The following DPYD variants were observed in gnomAD, a reference collection of about 807,000 sequenced individuals.
The protein encoded by DPYD is dihydropyrimidine dehydrogenase.
Under a neutral mutation model 116.2 loss-of-function variants are expected in DPYD, and 109 were observed. The ratio of observed to expected loss-of-function variants is 0.94; its 90% CI spans 0.80 to 1.10. The LOEUF (loss-of-function observed/expected upper bound fraction) is 1.10. Ranked by LOEUF, DPYD falls within the 50% of genes least tolerant of loss-of-function variation. The pLI is 0.00. For missense variants in DPYD, 1,302 were observed against 1,254.5 expected (o/e 1.04, Z -0.57); for synonymous variants, 440 against 432.0 (o/e 1.02, Z -0.23).
intron 8 of DPYD, among the ~76,000 whole-genome samples, chr1:97,624,042 A>G (rs1393214902): frequency 2.0e-5 from 3 of 152,072 alleles, no homozygotes; most frequent in Admixed American, 1.3e-4. Context: ...AGGATAGGAG[A>G]AAAGCTACAT....
chr1:97,621,730 C>A (rs1049553243), intron 8 of DPYD, among the ~76,000 whole-genome samples: 1 of 152,008 alleles, frequency 6.6e-6, no homozygotes, highest in African/African-American at 2.4e-5. Flanking sequence ...CTTGGAGAAA[C>A]ACCTGATTCT....
intron 14 of DPYD, among the ~76,000 whole-genome samples, chr1:97,407,715 G>A (rs541218441): frequency 6.6e-6 from 1 of 152,180 alleles, no homozygotes; most frequent in African/African-American, 2.4e-5. Flanking sequence ...AGATACATGG[G>A]TCCAGGAATC....
rs1648936449 is a variant in DPYD at position 97,078,498 on chromosome 1, T to G, written c.*478A>C. The G allele has an allele frequency of 1.6e-5, 3 of 186,580 alleles. No individual in the cohort carries two copies. 11.6% of individuals were successfully genotyped at this position (186,580 alleles called of 1,614,324 possible). ...TTCATTTGTACTTTATGGAGCTAAC[T>G]ACATTTTCTTAGAAACAGCATTAAA... is the stretch of plus-strand genomic sequence containing the variant. On this transcript the variant is annotated 3_prime_UTR_variant, in exon 23 of 23. Coordinates refer to ENST00000370192, the MANE Select transcript of DPYD (RefSeq NM_000110.4).
At chr1:97,356,918 T>A (rs1670454653) in intron 16 of DPYD, among the ~76,000 whole-genome samples, 1 of 152,196 alleles carries the variant, frequency 6.6e-6, no homozygotes, top group South Asian at 2.1e-4. Flanking sequence ...TTAACTAACA[T>A]CACTTGGTGG....
intron 20 of DPYD, among the ~76,000 whole-genome samples, chr1:97,100,242 G>A (rs1171474784): frequency 6.6e-6 from 1 of 152,000 alleles, no homozygotes; most frequent in Non-Finnish European, 1.5e-5. Context: ...AAAAGACAAT[G>A]CTTTTATGAA....
At chr1:97,227,776 T>C (rs1661290256) in intron 19 of DPYD, among the ~76,000 whole-genome samples, 1 of 152,068 alleles carries the variant, frequency 6.6e-6, no homozygotes, top group Admixed American at 6.6e-5. Context: ...CCGAAGTATG[T>C]TGAGATGCAA....
At chr1:97,305,406 G>A (rs2101037147) in intron 17 of DPYD, 28 bp from the exon 18 acceptor site, 1 of 1,611,594 alleles carries the variant, frequency 6.2e-7, no homozygotes, top group Non-Finnish European at 8.5e-7. Flanking sequence ...ACATTTTCAT[G>A]CAGCTCTTAT....
At chr1:97,134,771 C>T (rs566037157) in intron 20 of DPYD, among the ~76,000 whole-genome samples, 2 of 152,060 alleles carry the variant, frequency 1.3e-5, no homozygotes, top group Non-Finnish European at 2.9e-5. Flanking sequence ...TGCAGGGCCA[C>T]GTGAGATGTT....
intron 5 of DPYD, among the ~76,000 whole-genome samples, chr1:97,708,089 G>A (rs1015132154): frequency 6.6e-6 from 1 of 151,942 alleles, no homozygotes; most frequent in African/African-American, 2.4e-5. Context: ...ACCTCCCTCA[G>A]CCTTCTGAGT....
At chr1:97,130,452 T>C (rs1235292457) in intron 20 of DPYD, among the ~76,000 whole-genome samples, 1 of 152,174 alleles carries the variant, frequency 6.6e-6, no homozygotes, top group Non-Finnish European at 1.5e-5. Flanking sequence ...GTGATCTATA[T>C]GTGATTGCTC....
At chr1:97,672,996 T>A (rs538985839) in intron 8 of DPYD, among the ~76,000 whole-genome samples, 1 of 152,304 alleles carries the variant, frequency 6.6e-6, no homozygotes, top group African/African-American at 2.4e-5. Flanking sequence ...CTAATTCTTC[T>A]TGAGTATCAG....
intron 12 of DPYD, among the ~76,000 whole-genome samples, chr1:97,548,964 A>G (rs1028088430): frequency 4.6e-5 from 7 of 152,290 alleles, no homozygotes; most frequent in Middle Eastern, 3.4e-3. Flanking sequence ...AGATTTGATA[A>G]GTGTATGATC....
rs572254976 is a variant in DPYD, at chr1:97,593,434, C to T, written c.959-47G>A. ...CCATTTTCAAGTAGAGAAACCATTT[C>T]TGCATGACAGCTCAAAAGATACTTG... On this transcript the variant is annotated intron_variant, in intron 9 of 22. Transcript: ENST00000370192. 4.7e-5 allele frequency: 75 copies of T among 1,604,514 alleles called. 3 individuals are homozygous for T. The South Asian group carries it at 8.0e-4, about 17-fold the overall frequency.
intron 13 of DPYD, among the ~76,000 whole-genome samples, chr1:97,479,768 A>T (rs1678196232): frequency 6.6e-6 from 1 of 152,242 alleles, no homozygotes; most frequent in Non-Finnish European, 1.5e-5. Flanking sequence ...TATGTTTGGA[A>T]TAAGGTATTA....
chr1:97,647,513 T>C lies in DPYD; in HGVS notation c.850+31582A>G, dbSNP rs1451406157. Reference sequence around the variant, plus strand: ...TATTTATCCAGCGTGAGTGTTTTACTAAAAGCAGACAACTTTAAATCCAAA... The same window carrying C: ...TATTTATCCAGCGTGAGTGTTTTACCAAAAGCAGACAACTTTAAATCCAAA... On this transcript the variant is annotated intron_variant, in intron 8 of 22. Transcript: ENST00000370192. 4.6e-5 allele frequency among the ~76,000 whole-genome samples: 7 copies of C among 152,082 alleles called. No individual in the cohort carries two copies. The East Asian group carries it at 1.3e-3, about 29-fold the overall frequency.
At position 97,863,641 on chromosome 1, in the gene DPYD, T is replaced by G. The variant is rs1671230908; in HGVS notation, c.150+19623A>C. Among the ~76,000 whole-genome samples the G allele has an allele frequency of 2.0e-5, 3 of 152,090 alleles. No homozygotes were observed. In the South Asian group the frequency reaches 6.2e-4, roughly 32 times the overall value. On this transcript the variant is annotated intron_variant, in intron 2 of 22. Transcript: ENST00000370192. The stretch of plus-strand genomic sequence containing the variant: ...CAAATCAGTTAAATTCTGCCTTGTA[T>G]GTAACAACTAGCAGAAGACTTTTCT...
At chr1:97,731,065 A>G (rs1241069435) in intron 4 of DPYD, among the ~76,000 whole-genome samples, 1 of 152,174 alleles carries the variant, frequency 6.6e-6, no homozygotes, top group Non-Finnish European at 1.5e-5. Flanking sequence ...TACATATAAA[A>G]TGCTGAAAAC....
intron 8 of DPYD, among the ~76,000 whole-genome samples, chr1:97,621,563 A>G (rs188560985): frequency 1.3e-5 from 2 of 152,272 alleles, no homozygotes; most frequent in East Asian, 3.9e-4. Context: ...TGATGTCCAC[A>G]TACATGTATA....
intron 14 of DPYD, among the ~76,000 whole-genome samples, chr1:97,413,679 T>C (rs759384062): frequency 6.6e-6 from 1 of 152,104 alleles, no homozygotes; most frequent in Non-Finnish European, 1.5e-5. Flanking sequence ...TTTCACCACG[T>C]TGCCCAGGCT....
Sources: gnomAD v4.1 joint callset for allele counts (sites outside exome capture counted in the v4.1 genomes callset) on GRCh38, gnomAD v4.1.1 for gene constraint, MANE v1.5 for transcripts, NCBI Gene and HGNC (gene_info 2026-07-23, HGNC 2026-07-21) for gene names.